NBPF14: variants seen among roughly 807,000 people sequenced by gnomAD.
NBPF14 encodes NBPF member 14, also known as NBPF family member NBPF14.
In NBPF14, 104 loss-of-function variants were observed where a neutral mutation model predicts 91.2. The observed-to-expected ratio is 1.14, with a 90% confidence interval of 0.97 to 1.34. The LOEUF is 1.34. Among genes scored for constraint, NBPF14 ranks in the 40% most tolerant of loss-of-function variants. The pLI is 0.00. For missense variants in NBPF14, 908 were observed against 783.0 expected, an observed-to-expected ratio of 1.16 and a Z score of -1.91; for synonymous variants, 294 against 303.8, an observed-to-expected ratio of 0.97 and a Z score of 0.34.
chr1:148,556,585 T>G, intron 41 of NBPF14, 105 bp downstream of exon 41: 1 of 44,562 alleles, frequency 2.2e-5, no homozygotes, highest in Non-Finnish European at 3.4e-5. Context: ...GTCCTCCCTG[T>G]GGCAATGACA....
At chr1:148,577,642 A>T (rs1280670232) in intron 14 of NBPF14, among the ~76,000 whole-genome samples, 1 of 149,146 alleles carries the variant, frequency 6.7e-6, no homozygotes, top group Non-Finnish European at 1.5e-5. Context: ...GAGTCAAAGG[A>T]CACTCTGTAT....
chr1:148,589,998 C>T lies in NBPF14; in HGVS notation c.779-605G>A, dbSNP rs1291845376. ...CCGCCCACCTCAGCCTCCCAAAGTG[C>T]TGGGATTAAGATGTGAGCCAGCGCC... is the stretch of plus-strand genomic sequence containing the variant. On this transcript the variant is annotated intron_variant, in intron 6 of 70. Coordinates refer to ENST00000619423, the Ensembl canonical transcript of NBPF14. Among the ~76,000 whole-genome samples the T allele has an allele frequency of 3.5e-5, 5 of 142,380 alleles. 1 individual carries two copies. The highest frequency in any genetic ancestry group is 7.8e-5 in the Non-Finnish European group (5 of 64,430). 93.4% of individuals were successfully genotyped at this position (142,380 alleles called of 152,430 possible). A position where few individuals can be genotyped will look rare whatever the true frequency, so the allele number is the denominator to read the frequency against.
intron 7 of NBPF14, among the ~76,000 whole-genome samples, chr1:148,588,361 A>G (rs1427832068): frequency 2.1e-5 from 3 of 140,528 alleles, no homozygotes; most frequent in African/African-American, 5.2e-5. Flanking sequence ...TATTATTTTT[A>G]ACAGTCTTGC....
chr1:148,533,444 CAG>C (rs1207126634), intron 70 of NBPF14, among the ~76,000 whole-genome samples, 196 bp from the exon 71 acceptor site: 2 of 149,212 alleles, frequency 1.3e-5, no homozygotes, highest in Non-Finnish European at 3.0e-5. Flanking sequence ...AAGAGAAAGA[CAG>C]AGAGAGAGAG....
chr1:148,557,775 T>A (rs1656939289), intron 39 of NBPF14, among the ~76,000 whole-genome samples: 1 of 120,512 alleles, frequency 8.3e-6, no homozygotes, highest in Admixed American at 8.3e-5. Flanking sequence ...AAATCATTTA[T>A]CCCAAGTTTG....
intron 37 of NBPF14, among the ~76,000 whole-genome samples, chr1:148,559,437 G>T (rs1230525904): frequency 1.5e-5 from 2 of 133,520 alleles, no homozygotes; most frequent in South Asian, 2.5e-4. Context: ...ATTGTTCATG[G>T]TAGCGAGGAT....
intron 69 of NBPF14, 37 bp from the exon 70 acceptor site, chr1:148,534,006 T>A (rs1298225110): frequency 1.8e-4 from 121 of 685,044 alleles, no homozygotes; most frequent in Non-Finnish European, 2.7e-4. Context: ...CACATTAAGC[T>A]GATTCCCCTA....
At chr1:148,587,179 C>T in intron 8 of NBPF14, 122 bp downstream of exon 8, 2 of 800,766 alleles carry the variant, frequency 2.5e-6, no homozygotes, top group East Asian at 4.9e-5. Context: ...TGTAGCGAGC[C>T]TGCCATGGCA....
intron 21 of NBPF14, 25 bp downstream of exon 21, chr1:148,572,418 A>G: frequency 4.4e-6 from 2 of 453,290 alleles, no homozygotes; most frequent in East Asian, 6.9e-5. Flanking sequence ...GTGGAGGCTT[A>G]TCACCTTCAC....
chr1:148,535,449 T>A lies in NBPF14; in HGVS notation c.8441+4A>T. On this transcript the variant is annotated splice_donor_region_variant and intron_variant, in intron 68 of 70. Coordinates refer to ENST00000619423, the Ensembl canonical transcript of NBPF14. ...ATTAAGCATCCATAATTGCTCAAAGTTACCTGGGGCATGATGGGTCTTGGT... is the reference window on the plus strand; with the variant it reads ...ATTAAGCATCCATAATTGCTCAAAGATACCTGGGGCATGATGGGTCTTGGT... The A allele has an allele frequency of 2.1e-6, 1 of 481,852 alleles. No homozygotes were observed. The highest frequency in any genetic ancestry group is 3.5e-6 in the Non-Finnish European group (1 of 284,578). 29.8% of individuals were successfully genotyped at this position (481,852 alleles called of 1,614,324 possible).
At chr1:148,589,962 G>C (rs1400707320) in intron 6 of NBPF14, among the ~76,000 whole-genome samples, 1 of 142,878 alleles carries the variant, frequency 7.0e-6, no homozygotes, top group African/African-American at 2.5e-5. Context: ...GAACTCCTGA[G>C]CTCAGGTGTT....
At chr1:148,593,074 T>G (rs1426863549) in intron 3 of NBPF14, among the ~76,000 whole-genome samples, 1 of 147,000 alleles carries the variant, frequency 6.8e-6, no homozygotes, top group Non-Finnish European at 1.5e-5. Context: ...ACTCTGGCCA[T>G]GGACATTTCC....
exon 2 of NBPF14, chr1:148,595,619 C>G: frequency 6.6e-7 from 1 of 1,520,128 alleles, no homozygotes; most frequent in South Asian, 1.1e-5. Flanking sequence ...TTCTGAACTG[C>G]TGTTTCTTCT....
exon 29 of NBPF14, chr1:148,566,221 G>C (rs1658233806): frequency 1.2e-5 from 7 of 587,012 alleles, no homozygotes; most frequent in Non-Finnish European, 2.1e-5. Context: ...CAGGAGTCAG[G>C]CTGTTCAAGA....
intron 28 of NBPF14, 51 bp from the exon 29 acceptor site, chr1:148,566,366 C>T (rs1270631667): frequency 6.6e-6 from 5 of 753,954 alleles, no homozygotes; most frequent in Non-Finnish European, 1.2e-5. Context: ...TCAGACACAA[C>T]AGAGCCTCAA....
chr1:148,593,184 AG>A (rs1418968894), intron 3 of NBPF14, among the ~76,000 whole-genome samples: 4 of 148,334 alleles, frequency 2.7e-5, no homozygotes, highest in African/African-American at 7.3e-5. Context: ...AGATGAAAGA[AG>A]AAAAGAAGGA....
chr1:148,577,333 C>G, exon 15 of NBPF14: 1 of 623,254 alleles, frequency 1.6e-6, no homozygotes, highest in Admixed American at 2.5e-5. Context: ...GGCCCTTTCT[C>G]ATCCAGCAGC....
Position 148,533,882 on chromosome 1 carries a change from T to C in NBPF14, c.8702A>G (p.Asp2901Gly), listed in dbSNP as rs1235377278. The C allele has an allele frequency of 3.9e-4, 300 of 761,812 alleles. 19 individuals are homozygous for C. In the Admixed American group the frequency reaches 5.1e-3, roughly 13 times the overall value. 47.2% of individuals were successfully genotyped at this position (761,812 alleles called of 1,614,324 possible). ...TCACCTGGGGCATGGTGGGTTTTGA[T>C]CTTCTTCCCCTTCTTTTCTTCCCCT... Residue 2901 changes from aspartate (D) to glycine (G), a missense_variant, in exon 70 of 71, where the codon GAT (aspartate) becomes GGT (glycine). Coordinates refer to ENST00000619423, the Ensembl canonical transcript of NBPF14.
rs1334349016 is a variant in NBPF14 at position 148,559,919 on chromosome 1, C to T, written c.4603G>A (p.Asp1535Asn). 1.3e-5 allele frequency: 17 copies of T among 1,332,106 alleles called. 2 individuals carry two copies. In the South Asian group the frequency reaches 1.4e-4, roughly 11 times the overall value. 82.5% of individuals were successfully genotyped at this position (1,332,106 alleles called of 1,614,324 possible). A position where few individuals can be genotyped will look rare whatever the true frequency, so the allele number is the denominator to read the frequency against. Residue 1535 changes from aspartate (D) to asparagine (N), a missense_variant, in exon 37 of 71, where the codon GAC becomes AAC. Asp to Asn is a conservative substitution (Grantham distance 23). Transcript: ENST00000619423. ...GTTGAATAACATCTATCCAGTGAGT[C>T]CTGCAAGACTTCAGGCCCTTTCTCA... is the stretch of plus-strand genomic sequence containing the variant.
Sources: gnomAD v4.1 joint callset for allele counts (sites outside exome capture counted in the v4.1 genomes callset) on GRCh38, gnomAD v4.1.1 for gene constraint, MANE v1.5 for transcripts, NCBI Gene and HGNC (gene_info 2026-07-23, HGNC 2026-07-21) for gene names.